CHODL: variants seen among roughly 807,000 people sequenced by gnomAD.
The protein encoded by CHODL is chondrolectin.
In CHODL, 29 loss-of-function variants were observed where a neutral mutation model predicts 34.5. The ratio of observed to expected loss-of-function variants is 0.84; its 90% CI spans 0.63 to 1.15. The LOEUF is 1.15. Among genes scored for constraint, CHODL ranks in the 50% most tolerant of loss-of-function variants. The pLI is 0.00. For missense variants in CHODL, 332 were observed against 332.5 expected, an observed-to-expected ratio of 1.00 and a Z score of 0.01; for synonymous variants, 125 against 116.1, an observed-to-expected ratio of 1.08 and a Z score of -0.49.
chr21:18,210,381 G>A (rs138550637), intron 2 of CHODL, among the ~76,000 whole-genome samples: 3 of 152,172 alleles, frequency 2.0e-5, no homozygotes, highest in African/African-American at 7.2e-5. Context: ...TGCAGGTGGT[G>A]TTGGCAATTT....
At chr21:18,043,904 C>A (rs375971151) in intron 2 of CHODL, among the ~76,000 whole-genome samples, 1 of 151,888 alleles carries the variant, frequency 6.6e-6, no homozygotes. Flanking sequence ...AAAGGGGAAA[C>A]CCCTTATTAA....
chr21:18,230,371 G>C (rs1430973518), intron 2 of CHODL, among the ~76,000 whole-genome samples: 4 of 152,044 alleles, frequency 2.6e-5, no homozygotes, highest in African/African-American at 9.7e-5. Context: ...CAAGATTCAG[G>C]ATTACATTCA....
intron 2 of CHODL, among the ~76,000 whole-genome samples, chr21:18,172,695 CTTCAGAAGTCCTTGTTCCCTCAT>C (rs1440304767): frequency 1.3e-5 from 2 of 152,100 alleles, no homozygotes; most frequent in Non-Finnish European, 2.9e-5. Context: ...AAGAGTGGAT[CTTCAGAAGTCCTTGTTCCCTCAT>C]TGCAGAAGTC....
chr21:18,222,796 G>C (rs891382947), intron 2 of CHODL, among the ~76,000 whole-genome samples: 2 of 151,980 alleles, frequency 1.3e-5, no homozygotes, highest in African/African-American at 4.8e-5. Context: ...GTCTTTTTTT[G>C]TGGAGGAGGC....
chr21:18,107,703 C>T (rs2065290682), intron 2 of CHODL, among the ~76,000 whole-genome samples: 1 of 152,088 alleles, frequency 6.6e-6, no homozygotes, highest in African/African-American at 2.4e-5. Flanking sequence ...AGCATGATAC[C>T]CTATTGTCTA....
rs58511535 is a variant in CHODL at position 17,952,194 on chromosome 21, C to CAA, written c.-145+34814_-145+34815dup. 2.9e-3 allele frequency among the ~76,000 whole-genome samples: 229 copies of CAA among 80,262 alleles called. 10 individuals are homozygous for CAA. The highest frequency in any genetic ancestry group is 0.023 in the East Asian group (58 of 2,528). The allele number at this position is 80,262 out of a possible 152,430, so 52.7% of individuals were successfully genotyped here. ...GATTGTGCAGAGCAATACTATGTCT[C>CAA]AAAAAAAAAAAAAAAAAAAAAGAAA... is the stretch of plus-strand genomic sequence containing the variant. On this transcript the variant is annotated intron_variant, in intron 1 of 6. Transcript: ENST00000400127.
In CHODL at chr21:17,931,708, A is replaced by G. The variant is rs576570452; in HGVS notation, c.-145+14308A>G. Among the ~76,000 whole-genome samples, 5 of 152,348 alleles carry G rather than the reference A, an allele frequency of 3.3e-5. No individual in the cohort carries two copies. In the South Asian group the frequency reaches 8.3e-4, roughly 25 times the overall value. On this transcript the variant is annotated intron_variant, in intron 1 of 6. Coordinates refer to the CHODL transcript ENST00000400127. ...ATAGATATCTTAAAAAAAGACAGGC[A>G]GAACTTCTGGAAATGAAAAATTCAC...
At chr21:18,248,689 A>ATCTGTAT (rs1449761048) in intron 1 of CHODL, among the ~76,000 whole-genome samples, 1 of 120,818 alleles carries the variant, frequency 8.3e-6, no homozygotes, top group African/African-American at 3.5e-5. Context: ...TGTATATATT[A>ATCTGTAT]TATACATATA....
chr21:18,197,441 T>C (rs1402298130), intron 2 of CHODL, among the ~76,000 whole-genome samples: 1 of 152,094 alleles, frequency 6.6e-6, no homozygotes, highest in Non-Finnish European at 1.5e-5. Flanking sequence ...TGAAACCCTG[T>C]CTCTACCAAA....
At chr21:18,186,543 C>A (rs557759471) in intron 2 of CHODL, among the ~76,000 whole-genome samples, 2 of 152,150 alleles carry the variant, frequency 1.3e-5, no homozygotes, top group East Asian at 1.9e-4. Context: ...TGGCTGCTTG[C>A]ATAGGATATG....
At chr21:17,933,203 C>A (rs1401515726) in intron 1 of CHODL, among the ~76,000 whole-genome samples, 2 of 152,156 alleles carry the variant, frequency 1.3e-5, no homozygotes. Context: ...AGATGCCTTC[C>A]TCTTGTTTCA....
rs547779285 is a variant in CHODL, at chr21:18,166,012, G to A, written c.-44-90497G>A. Among the ~76,000 whole-genome samples, 29 of 152,262 alleles carry A rather than the reference G, an allele frequency of 1.9e-4. No homozygotes were observed. In the South Asian group the frequency reaches 5.8e-3, roughly 30 times the overall value. ...TGGTTTCTGTAGATCAGAAATCTGG[G>A]CTCACCTTAGCTGAATTCTCTACTC... is the stretch of plus-strand genomic sequence containing the variant. On this transcript the variant is annotated intron_variant, in intron 2 of 6. Transcript: ENST00000400127.
chr21:17,965,906 A>G (rs1237193399), intron 1 of CHODL, among the ~76,000 whole-genome samples: 1 of 104,184 alleles, frequency 9.6e-6, no homozygotes, highest in Non-Finnish European at 2.1e-5. Context: ...TATCAAGAGA[A>G]GGTAATTTTT....
intron 1 of CHODL, among the ~76,000 whole-genome samples, chr21:17,971,703 C>T (rs1264720428): frequency 6.6e-6 from 1 of 152,128 alleles, no homozygotes; most frequent in African/African-American, 2.4e-5. Context: ...GACGGATTCA[C>T]AGCCAAATTC....
chr21:17,924,705 T>C (rs552275633), intron 1 of CHODL, among the ~76,000 whole-genome samples: 1 of 152,232 alleles, frequency 6.6e-6, no homozygotes, highest in Non-Finnish European at 1.5e-5. Context: ...ACTTTTTAGC[T>C]GAACATAACA....
intron 2 of CHODL, among the ~76,000 whole-genome samples, chr21:18,065,407 A>G (rs2064719677): frequency 6.6e-6 from 1 of 152,220 alleles, no homozygotes; most frequent in East Asian, 1.9e-4. Flanking sequence ...CATAAAATAC[A>G]TGCTCGTCTG....
At chr21:17,964,483 G>C (rs552699666) in intron 1 of CHODL, among the ~76,000 whole-genome samples, 1 of 152,290 alleles carries the variant, frequency 6.6e-6, no homozygotes, top group South Asian at 2.1e-4. Context: ...ATGTTACTGT[G>C]GCTATGCTGT....
intron 1 of CHODL, among the ~76,000 whole-genome samples, chr21:17,933,385 C>A (rs754738188): frequency 6.6e-6 from 1 of 152,176 alleles, no homozygotes; most frequent in Non-Finnish European, 1.5e-5. Flanking sequence ...GAGGTCCCTG[C>A]GGCCTTCCGC....
At position 18,055,824 on chromosome 21, in the gene CHODL, G is replaced by A. The variant is rs149824669; in HGVS notation, c.-45+27853G>A. ...GGAGAGTAGAAATTTTATAGAATAT[G>A]TTCATAAGAATTCAAGTACCAAAAG... is the stretch of plus-strand genomic sequence containing the variant. On this transcript the variant is annotated intron_variant, in intron 2 of 6. Coordinates refer to the CHODL transcript ENST00000400127. Among the ~76,000 whole-genome samples the A allele has an allele frequency of 1.4e-3, 219 of 152,150 alleles. 2 individuals are homozygous for A. The highest frequency in any genetic ancestry group is 2.5e-3 in the Non-Finnish European group (171 of 67,988).
Sources: allele counts gnomAD v4.1 joint callset (sites outside exome capture counted in the v4.1 genomes callset), GRCh38; gene constraint gnomAD v4.1.1; transcripts MANE v1.5; gene names NCBI Gene and HGNC (gene_info 2026-07-23, HGNC 2026-07-21).